SGSM2: variants seen among roughly 807,000 people sequenced by gnomAD.
The protein encoded by SGSM2 is small G protein signaling modulator 2.
Under a neutral mutation model 126.6 loss-of-function variants are expected in SGSM2, and 89 were observed. That is an observed-to-expected ratio of 0.70 (90% CI 0.59 to 0.84). The LOEUF is 0.84. Ranked by LOEUF, SGSM2 falls within the 40% of genes least tolerant of loss-of-function variation. The pLI, the probability that SGSM2 is intolerant of heterozygous loss-of-function variation, is 0.00. For synonymous variants in SGSM2, 614 were observed against 574.3 expected (o/e 1.07, Z -0.99); for missense variants, 1,404 against 1,416.6 (o/e 0.99, Z 0.14).
At chr17:2,376,087 C>G in intron 18 of SGSM2, 50 bp from the exon 19 acceptor site, 1 of 1,611,644 alleles carries the variant, frequency 6.2e-7, no homozygotes, top group African/African-American at 1.3e-5. Context: ...CTGCCCCCAG[C>G]CTGGGAAGGG....
rs1054051998 is a variant in SGSM2 at position 2,376,204 on chromosome 17, G to C, written c.2552G>C (p.Arg851Pro). Residue 851 changes from arginine to proline, a missense_variant, in exon 19 of 24, where the codon CGC (arginine) becomes CCC (proline). Physicochemically the swap from Arg to Pro is moderately radical, Grantham distance 103. Transcript: ENST00000268989. ...RIDKDVQRCD[R>P]NYWYFTPPNL... ...GACAAGGATGTGCAGAGGTGTGACC[G>C]CAACTACTGGTACTTCACGCCCCCC... The C allele has an allele frequency of 2.5e-6, 4 of 1,613,918 alleles. No homozygotes were observed. Among genetic ancestry groups the C allele is most frequent in the African/African-American group, 2.7e-5 (2 of 74,894 alleles).
At position 2,362,847 on chromosome 17, in the gene SGSM2, C is replaced by T. The variant is rs571817913; in HGVS notation, c.468C>T (p.Tyr156=). The change falls in exon 5 of 24, where the codon TAC becomes TAT. Residue 156 remains tyrosine (Y), a synonymous_variant. Coordinates refer to ENST00000268989, the MANE Select transcript of SGSM2 (RefSeq NM_014853.3). The surrounding 1 kb of genome is among the most constrained non-coding windows in gnomAD (Gnocchi z 4.9). ...GTCTGTCTCCTGGCAGCAAGTACTACGAGAAGGAGGCACTGCTGGCAGACC... is the reference window on the plus strand; with the variant it reads ...GTCTGTCTCCTGGCAGCAAGTACTATGAGAAGGAGGCACTGCTGGCAGACC... The part of the protein sequence containing the change: ...QYLAENCSKY[Y]EKEALLADPV... 19 of 1,614,074 alleles carry T rather than the reference C, an allele frequency of 1.2e-5. 1 individual carries two copies. The highest frequency in any genetic ancestry group is 4.4e-5 in the South Asian group (4 of 91,076).
At chr17:2,352,269 G>A (rs1326509518) in intron 2 of SGSM2, among the ~76,000 whole-genome samples, 2 of 152,208 alleles carry the variant, frequency 1.3e-5, no homozygotes, top group Non-Finnish European at 2.9e-5. Flanking sequence ...CTGGCCCCCA[G>A]GCAGGCATTG....
In SGSM2 at chr17:2,380,017, G is replaced by C. The variant is rs957049660; in HGVS notation, c.*497G>C. The C allele has an allele frequency of 7.1e-7, 1 of 1,399,690 alleles. No homozygotes were observed. Among genetic ancestry groups the C allele is most frequent in the African/African-American group, 1.5e-5 (1 of 68,668 alleles). The allele number at this position is 1,399,690 out of a possible 1,614,324, so 86.7% of individuals were successfully genotyped here. A position where few individuals can be genotyped will look rare whatever the true frequency, so the allele number is the denominator to read the frequency against. ...GCTGGAGCAACCAAAACTGCTTCTG[G>C]TTTAGGCACACGTCACGGGTGCGGG... On this transcript the variant is annotated 3_prime_UTR_variant, in exon 24 of 24. Coordinates refer to ENST00000268989, the MANE Select transcript of SGSM2 (RefSeq NM_014853.3).
chr17:2,365,703 C>G (rs181872431), intron 11 of SGSM2, among the ~76,000 whole-genome samples: 4 of 152,098 alleles, frequency 2.6e-5, no homozygotes, highest in Admixed American at 2.6e-4. Flanking sequence ...CTCCTGCTCC[C>G]CAACCCCTAC....
Position 2,361,753 on chromosome 17 carries a change from G to A in SGSM2, c.250G>A (p.Glu84Lys). 9.3e-6 allele frequency: 15 copies of A among 1,613,228 alleles called. No homozygotes were observed. The highest frequency in any genetic ancestry group is 1.2e-5 in the Non-Finnish European group (14 of 1,179,946). ...KVGKTCPVAGEICHKVQELQQ... is the reference protein window; with the variant it reads ...KVGKTCPVAGKICHKVQELQQ... ...GGGGAAGACGTGCCCAGTGGCGGGG[G>A]AGATTTGCCACAAGGTACAGGAGCT... is the stretch of plus-strand genomic sequence containing the variant. Residue 84 changes from glutamate to lysine, a missense_variant, in exon 3 of 24, where the codon GAG (glutamate) becomes AAG (lysine). Coordinates refer to ENST00000268989, the MANE Select transcript of SGSM2 (RefSeq NM_014853.3).
rs1567853443 is a variant in SGSM2 at position 2,377,904 on chromosome 17, CA to C, written c.2851del (p.Thr951ProfsTer29). 1.9e-6 allele frequency: 3 copies of C among 1,613,266 alleles called. No individual in the cohort carries two copies. Among genetic ancestry groups the C allele is most frequent in the Non-Finnish European group, 2.5e-6 (3 of 1,179,384 alleles). On this transcript the variant is annotated frameshift_variant, in exon 22 of 24. Coordinates refer to ENST00000268989, the MANE Select transcript of SGSM2 (RefSeq NM_014853.3). LOFTEE classifies it high-confidence loss of function. ...AGCTGATGCATCAGAATGGAGACTA[CA>C]CCCACTTCTACTTCTGTTATCGCTG... ...FELMHQNGDY[T>X]HFYFCYRWFL...
intron 22 of SGSM2, among the ~76,000 whole-genome samples, 193 bp downstream of exon 22, chr17:2,378,146 C>T (rs1034732505): frequency 9.8e-5 from 15 of 152,316 alleles, no homozygotes; most frequent in Middle Eastern, 3.4e-3. Context: ...CTTAAATGCT[C>T]GCTGACCAGA....
chr17:2,379,514 C>T lies in SGSM2; in HGVS notation c.3150C>T (p.Asn1050=). 2 of 1,611,756 alleles carry T rather than the reference C, an allele frequency of 1.2e-6. No homozygotes were observed. Among genetic ancestry groups the T allele is most frequent in the Non-Finnish European group, 1.7e-6 (2 of 1,178,360 alleles). Residue 1050 remains asparagine (N), a synonymous_variant, in exon 24 of 24, where the codon AAC becomes AAT. Transcript: ENST00000268989. The stretch of plus-strand genomic sequence containing the variant: ...ACAAGGTGCAGATGCTCATAGAGAA[C>T]AAGTGAGCTGGGGCCAGGAGGCAGC... The part of the protein sequence containing the change: ...LVHKVQMLIE[N]K
In SGSM2 at chr17:2,373,018, G is replaced by A. The variant is rs1272933677; in HGVS notation, c.1854G>A (p.Lys618=). ...GAGGCATAGAGCACGAGATCCGCAA[G>A]GACGTCTGGCCCTTTCTGCTTGGCC... The part of the protein sequence containing the change: ...YYGGIEHEIR[K]DVWPFLLGHY... The change falls in exon 16 of 24, where the codon AAG becomes AAA. Residue 618 remains lysine (K), a synonymous_variant. Transcript: ENST00000268989. The A allele has an allele frequency of 6.2e-7, 1 of 1,603,304 alleles. No individual in the cohort carries two copies. Among genetic ancestry groups the A allele is most frequent in the South Asian group, 1.1e-5 (1 of 89,096 alleles).
rs775767693 is a variant in SGSM2, at chr17:2,363,618, G to T, written c.807+19G>T. ...GCAGCCGGTAGGAAAGCTTCATCCT[G>T]CCATCCCTCCCCGAAGGTCCCCGAA... On this transcript the variant is annotated intron_variant, in intron 7 of 23. Coordinates refer to ENST00000268989, the MANE Select transcript of SGSM2 (RefSeq NM_014853.3). The surrounding 1 kb of genome is among the most constrained non-coding windows in gnomAD (Gnocchi z 4.2). The T allele has an allele frequency of 6.2e-7, 1 of 1,610,894 alleles. No individual in the cohort carries two copies. Among genetic ancestry groups the T allele is most frequent in the South Asian group, 1.1e-5 (1 of 90,950 alleles).
At chr17:2,375,935 A>G in intron 18 of SGSM2, 60 bp downstream of exon 18, 1 of 1,511,800 alleles carries the variant, frequency 6.6e-7, no homozygotes, top group Non-Finnish European at 8.8e-7. Context: ...GACATCCCAG[A>G]GCTGGGGAAG....
At chr17:2,366,047 G>A (rs1022423672) in intron 11 of SGSM2, among the ~76,000 whole-genome samples, 1 of 152,106 alleles carries the variant, frequency 6.6e-6, no homozygotes, top group African/African-American at 2.4e-5. Flanking sequence ...CCGGCCCAGC[G>A]CTTCTTTTTG....
rs2065358256 is a variant in SGSM2 at position 2,362,442 on chromosome 17, G to T, written c.458+172G>T. Among the ~76,000 whole-genome samples, 1 of 132,094 alleles carries T rather than the reference G, an allele frequency of 7.6e-6. No individual in the cohort carries two copies. The highest frequency in any genetic ancestry group is 3.0e-5 in the African/African-American group (1 of 33,296). 86.7% of individuals were successfully genotyped at this position (132,094 alleles called of 152,430 possible). On this transcript the variant is annotated intron_variant, in intron 4 of 23. Coordinates refer to ENST00000268989, the MANE Select transcript of SGSM2 (RefSeq NM_014853.3). This position sits in a 1 kb window ranked among gnomAD's most constrained non-coding sequence, Gnocchi z 4.9. ...GGTGACCGCCCCGTTCCCAAAAACT[G>T]CAGGTGACCGCCCCGTTCCCCAAAA...
chr17:2,368,314 G>A (rs912114269), intron 12 of SGSM2, among the ~76,000 whole-genome samples: 3 of 152,162 alleles, frequency 2.0e-5, no homozygotes, highest in African/African-American at 7.2e-5. Flanking sequence ...TCAGCCAGGC[G>A]ACCTGTGAGG....
intron 1 of SGSM2, among the ~76,000 whole-genome samples, chr17:2,340,616 G>T (rs531677385): frequency 3.4e-5 from 5 of 147,558 alleles, no homozygotes; most frequent in East Asian, 2.0e-4. Context: ...ATGGAGTCTC[G>T]CTCTGTTGCC....
In SGSM2 at chr17:2,376,169, G is replaced by C; in HGVS notation, c.2517G>C (p.Leu839=). The change falls in exon 19 of 24, where the codon CTG becomes CTC. Residue 839 remains leucine, a synonymous_variant. Coordinates refer to ENST00000268989, the MANE Select transcript of SGSM2 (RefSeq NM_014853.3). ...IELLDTVALN[L]HRIDKDVQRC... is the part of the protein sequence containing the mutation. ...TACTGGACACTGTGGCCTTAAACCT[G>C]CACCGCATAGACAAGGATGTGCAGA... 4.3e-6 allele frequency: 7 copies of C among 1,614,112 alleles called. No homozygotes were observed. Among genetic ancestry groups the C allele is most frequent in the Non-Finnish European group, 5.1e-6 (6 of 1,180,020 alleles).
chr17:2,374,309 G>C (rs1001650479), intron 17 of SGSM2: 3 of 152,224 alleles, frequency 2.0e-5, no homozygotes, highest in African/African-American at 7.2e-5. Context: ...GGGTGTGATG[G>C]CTCATGCCTG....
chr17:2,337,798 A>AT lies in SGSM2; in HGVS notation c.57+53_57+54insT. The AT allele has an allele frequency of 7.1e-7, 1 of 1,402,728 alleles. No individual in the cohort carries two copies. The highest frequency in any genetic ancestry group is 9.5e-7 in the Non-Finnish European group (1 of 1,051,320). 86.9% of individuals were successfully genotyped at this position (1,402,728 alleles called of 1,614,324 possible). ...GCTCGCGCCCTGGCCCGCGCGGCCCAGGGGGCAGAAAGGTCCGCGCCCACC... is the reference window on the plus strand; with the variant it reads ...GCTCGCGCCCTGGCCCGCGCGGCCCATGGGGGCAGAAAGGTCCGCGCCCACC... On this transcript the variant is annotated intron_variant, in intron 1 of 23. Transcript: ENST00000268989. This position sits in a 1 kb window ranked among gnomAD's most constrained non-coding sequence, Gnocchi z 5.1.
Sources: allele counts gnomAD v4.1 joint callset (sites outside exome capture counted in the v4.1 genomes callset), GRCh38; gene constraint gnomAD v4.1.1; non-coding constraint Gnocchi (gnomAD v3.1); transcripts MANE v1.5; gene names NCBI Gene and HGNC (gene_info 2026-07-23, HGNC 2026-07-21).